The following RBMS3 variants were observed in gnomAD, a reference collection of about 807,000 sequenced individuals.
RBMS3 encodes RNA-binding motif, single-stranded-interacting protein 3.
RBMS3 carries 27 observed loss-of-function variants against 66.8 expected under a neutral mutation model. The observed-to-expected ratio is 0.40, with a 90% CI of 0.30 to 0.56. RBMS3 has a LOEUF of 0.56. Ranked by LOEUF, RBMS3 falls within the 20% of genes least tolerant of loss-of-function variation. The pLI, the probability that RBMS3 is intolerant of heterozygous loss-of-function variation, is 0.40. For missense variants in RBMS3, 513 were observed against 549.5 expected (o/e 0.93, Z 0.66); for synonymous variants, 188 against 183.0 (o/e 1.03, Z -0.22).
chr3:29,639,176 G>A (rs148203019), intron 4 of RBMS3, among the ~76,000 whole-genome samples: 217 of 151,836 alleles, frequency 1.4e-3, no homozygotes, highest in African/African-American at 5.0e-3. Flanking sequence ...ATTTCCAAGC[G>A]ATTTAACTTA....
intron 9 of RBMS3, among the ~76,000 whole-genome samples, chr3:29,899,035 C>T (rs2060192771): frequency 6.6e-6 from 1 of 151,584 alleles, no homozygotes; most frequent in African/African-American, 2.4e-5. Context: ...TAAAAAAAAT[C>T]TTCTGAGTTC....
chr3:29,922,493 CAAAAAAA>C (rs68121692), intron 10 of RBMS3, among the ~76,000 whole-genome samples: 1 of 99,090 alleles, frequency 1.0e-5, no homozygotes, highest in African/African-American at 3.7e-5. Flanking sequence ...GACTCCGTCT[CAAAAAAA>C]AAAAAAAAAA....
intron 4 of RBMS3, among the ~76,000 whole-genome samples, chr3:29,691,791 C>T (rs1254726205): frequency 6.6e-6 from 1 of 151,902 alleles, no homozygotes; most frequent in East Asian, 1.9e-4. Flanking sequence ...ATAAATAGCA[C>T]GTTTCTTCCT....
intron 3 of RBMS3, among the ~76,000 whole-genome samples, chr3:29,501,533 C>A (rs1414824060): frequency 6.6e-6 from 1 of 152,152 alleles, no homozygotes; most frequent in Non-Finnish European, 1.5e-5. Context: ...TTAATTTATC[C>A]GTTTTAGGAG....
intron 1 of RBMS3, 135 bp from the exon 2 acceptor site, chr3:29,434,608 G>C: frequency 8.2e-7 from 1 of 1,215,490 alleles, no homozygotes; most frequent in Non-Finnish European, 1.1e-6. Context: ...AGAGAGTAGT[G>C]ATATAAATGT....
At chr3:29,410,893 G>A (rs1245714627) in intron 1 of RBMS3, among the ~76,000 whole-genome samples, 1 of 151,468 alleles carries the variant, frequency 6.6e-6, no homozygotes, top group Non-Finnish European at 1.5e-5. Context: ...ACAGGGGCAC[G>A]GTGATATTTT....
Position 29,430,338 on chromosome 3 carries a change from A to G in RBMS3, c.76-4405A>G, listed in dbSNP as rs150250929. Reference sequence around the variant, plus strand: ...AGCAGAATTTCTAGAATTTACGAACAAGGATATGACAAAGAAAACCGCCTT... The same window carrying G: ...AGCAGAATTTCTAGAATTTACGAACGAGGATATGACAAAGAAAACCGCCTT... On this transcript the variant is annotated intron_variant, in intron 1 of 14. Transcript: ENST00000383767. 6.3e-3 allele frequency among the ~76,000 whole-genome samples: 952 copies of G among 152,136 alleles called. 11 individuals are homozygous for G. The highest frequency in any genetic ancestry group is 0.022 in the African/African-American group (908 of 41,498).
intron 6 of RBMS3, among the ~76,000 whole-genome samples, chr3:29,827,767 GA>G (rs762403071): frequency 6.6e-6 from 1 of 152,134 alleles, no homozygotes; most frequent in Non-Finnish European, 1.5e-5. Context: ...AACAATGAAT[GA>G]ATCCAAACAG....
In RBMS3 at chr3:29,366,621, C is replaced by T. The variant is rs184141412; in HGVS notation, c.76-68122C>T. ...CTGATCTGGGATCAAGCGATCTGCC[C>T]GTCTCTGCCTCTCAAAGTACTGGTA... On this transcript the variant is annotated intron_variant, in intron 1 of 14. Transcript: ENST00000383767. 2.7e-3 allele frequency among the ~76,000 whole-genome samples: 404 copies of T among 152,136 alleles called. 1 individual carries two copies. The highest frequency in any genetic ancestry group is 3.6e-3 in the Non-Finnish European group (244 of 67,986).
chr3:29,651,652 T>C (rs1482582347), intron 4 of RBMS3, among the ~76,000 whole-genome samples: 1 of 152,176 alleles, frequency 6.6e-6, no homozygotes, highest in Non-Finnish European at 1.5e-5. Context: ...CCTGAAATAG[T>C]AATGTTTTCC....
At chr3:29,668,564 A>G (rs2050862685) in intron 4 of RBMS3, among the ~76,000 whole-genome samples, 1 of 152,218 alleles carries the variant, frequency 6.6e-6, no homozygotes, top group African/African-American at 2.4e-5. Flanking sequence ...TCCCACTAGT[A>G]ACTCCCATTA....
chr3:29,283,313 A>G (rs542317017), intron 1 of RBMS3, among the ~76,000 whole-genome samples: 23 of 152,314 alleles, frequency 1.5e-4, no homozygotes, highest in African/African-American at 5.5e-4. Flanking sequence ...TATGGTATAT[A>G]TTCAGAAAAG....
chr3:29,449,710 G>A (rs755684779), intron 2 of RBMS3, among the ~76,000 whole-genome samples: 3 of 152,126 alleles, frequency 2.0e-5, no homozygotes, highest in African/African-American at 7.2e-5. Context: ...TTAAAAGTTC[G>A]TTTTAACGCT....
chr3:29,445,630 G>A (rs2041803474), intron 2 of RBMS3, among the ~76,000 whole-genome samples: 1 of 152,032 alleles, frequency 6.6e-6, no homozygotes, highest in Non-Finnish European at 1.5e-5. Flanking sequence ...AACACACAGA[G>A]CATATCTGTG....
intron 4 of RBMS3, among the ~76,000 whole-genome samples, chr3:29,629,644 A>C (rs1371172372): frequency 1.3e-5 from 2 of 152,000 alleles, no homozygotes; most frequent in Non-Finnish European, 2.9e-5. Context: ...CTTGTGAACT[A>C]TTTTTTCTTT....
intron 4 of RBMS3, among the ~76,000 whole-genome samples, chr3:29,728,323 T>C (rs1359129939): frequency 6.6e-6 from 1 of 152,314 alleles, no homozygotes; most frequent in East Asian, 1.9e-4. Flanking sequence ...TGTATACCTA[T>C]GTAACAAACC....
chr3:29,317,812 T>C (rs1028552738), intron 1 of RBMS3, among the ~76,000 whole-genome samples: 1 of 151,766 alleles, frequency 6.6e-6, no homozygotes, highest in African/African-American at 2.4e-5. Context: ...AGTTTTCTTC[T>C]TACAAGACTA....
chr3:29,648,195 T>G (rs1686396032), intron 4 of RBMS3, among the ~76,000 whole-genome samples: 1 of 151,874 alleles, frequency 6.6e-6, no homozygotes, highest in Non-Finnish European at 1.5e-5. Flanking sequence ...TATTAGATTT[T>G]TAAAAATTAT....
At chr3:29,472,233 C>T (rs1467797137) in intron 2 of RBMS3, among the ~76,000 whole-genome samples, 4 of 147,940 alleles carry the variant, frequency 2.7e-5, no homozygotes, top group East Asian at 4.0e-4. Flanking sequence ...CTCGCTCTGT[C>T]GACCAGGCTG....
Sources: allele counts gnomAD v4.1 joint callset (sites outside exome capture counted in the v4.1 genomes callset), GRCh38; gene constraint gnomAD v4.1.1; transcripts MANE v1.5; gene names NCBI Gene and HGNC (gene_info 2026-07-23, HGNC 2026-07-21).